Variants in ROBO1 observed in about 807,000 individuals in gnomAD.
ROBO1 encodes roundabout guidance receptor 1.
In ROBO1, 149 loss-of-function variants were observed where a neutral mutation model predicts 195.9. The observed-to-expected ratio is 0.76, with a 90% confidence interval of 0.67 to 0.87. ROBO1 has a LOEUF of 0.87. Among genes scored for constraint, ROBO1 ranks in the 40% least tolerant of loss-of-function variants. The probability of loss-of-function intolerance (pLI) is 0.00; values close to 1 mark genes in which losing one functional copy is unlikely to be tolerated. For missense variants in ROBO1, 1,933 were observed against 2,068.3 expected (o/e 0.93, Z 1.27); for synonymous variants, 816 against 733.2 (o/e 1.11, Z -1.82).
intron 3 of ROBO1, among the ~76,000 whole-genome samples, chr3:78,968,271 C>CTTTTTTT (rs35361494): frequency 8.4e-6 from 1 of 119,462 alleles, no homozygotes; most frequent in Non-Finnish European, 1.7e-5. Context: ...TGTATAGATT[C>CTTTTTTT]TTTTTTTTTT....
chr3:79,046,898 T>A (rs1223353336), intron 3 of ROBO1, among the ~76,000 whole-genome samples: 2 of 152,162 alleles, frequency 1.3e-5, no homozygotes, highest in Non-Finnish European at 2.9e-5. Flanking sequence ...TGAGATAATG[T>A]TTGTTATAAG....
chr3:79,262,468 A>G (rs2082957711), intron 2 of ROBO1, among the ~76,000 whole-genome samples: 1 of 152,080 alleles, frequency 6.6e-6, no homozygotes, highest in Non-Finnish European at 1.5e-5. Context: ...AAGAAAAGAA[A>G]CTTTTGTTGT....
At chr3:79,053,760 C>T (rs1378202286) in intron 3 of ROBO1, among the ~76,000 whole-genome samples, 1 of 152,038 alleles carries the variant, frequency 6.6e-6, no homozygotes, top group Non-Finnish European at 1.5e-5. Context: ...CACTTCTATG[C>T]CAACTCCATC....
In ROBO1 at chr3:78,688,606, T is replaced by A. The variant is rs377103340; in HGVS notation, c.1170+42A>T. 52 of 1,523,474 alleles carry A rather than the reference T, an allele frequency of 3.4e-5. No homozygotes were observed. The African/African-American group carries it at 5.8e-4, about 17-fold the overall frequency. The allele number at this position is 1,523,474 out of a possible 1,614,324, so 94.4% of individuals were successfully genotyped here. A position where few individuals can be genotyped will look rare whatever the true frequency, so the allele number is the denominator to read the frequency against. ...TTCTTCTCATACATCTTGGCAACCA[T>A]CTTTGCTGATTTAAAAAAAAAAAGT... On this transcript the variant is annotated intron_variant, in intron 9 of 30. Transcript: ENST00000464233.
intron 1 of ROBO1, among the ~76,000 whole-genome samples, chr3:79,717,381 A>G (rs1702532713): frequency 6.6e-6 from 1 of 151,994 alleles, no homozygotes; most frequent in African/African-American, 2.4e-5. Context: ...GAATGATAAA[A>G]TGCCAGACAA....
At chr3:78,966,937 A>C (rs1294103671) in intron 3 of ROBO1, among the ~76,000 whole-genome samples, 1 of 152,178 alleles carries the variant, frequency 6.6e-6, no homozygotes, top group East Asian at 1.9e-4. Context: ...TATCTATGTG[A>C]CATTATTCTG....
At chr3:78,957,634 C>T (rs989651979) in intron 3 of ROBO1, among the ~76,000 whole-genome samples, 13 of 152,076 alleles carry the variant, frequency 8.5e-5, no homozygotes, top group African/African-American at 3.1e-4. Context: ...GACCACAAAC[C>T]CTGAGGCGCA....
At chr3:79,515,972 C>G (rs752892945) in intron 2 of ROBO1, among the ~76,000 whole-genome samples, 3 of 151,964 alleles carry the variant, frequency 2.0e-5, no homozygotes, top group Non-Finnish European at 4.4e-5. Flanking sequence ...CATATATAGC[C>G]TGAAATAATT....
intron 2 of ROBO1, among the ~76,000 whole-genome samples, chr3:79,528,573 G>C (rs959589532): frequency 6.6e-6 from 1 of 152,078 alleles, no homozygotes; most frequent in African/African-American, 2.4e-5. Flanking sequence ...TCTTTAATGA[G>C]AATTTGAGAC....
At chr3:79,458,696 G>A (rs889114874) in intron 2 of ROBO1, among the ~76,000 whole-genome samples, 3 of 151,746 alleles carry the variant, frequency 2.0e-5, no homozygotes, top group African/African-American at 7.3e-5. Context: ...GAAACACTAT[G>A]ATTTTCCATA....
intron 4 of ROBO1, among the ~76,000 whole-genome samples, chr3:78,756,866 T>C (rs761818098): frequency 6.6e-6 from 1 of 152,070 alleles, no homozygotes; most frequent in Non-Finnish European, 1.5e-5. Flanking sequence ...ACAGCTCATA[T>C]AGAATCATAA....
At chr3:78,631,623 A>T (rs2107508252) in intron 24 of ROBO1, among the ~76,000 whole-genome samples, 1 of 152,306 alleles carries the variant, frequency 6.6e-6, no homozygotes, top group African/African-American at 2.4e-5. Flanking sequence ...CTGTAGATAT[A>T]TTTTCTCGAG....
chr3:78,675,987 G>C (rs1468674407), intron 10 of ROBO1, among the ~76,000 whole-genome samples: 1 of 152,052 alleles, frequency 6.6e-6, no homozygotes, highest in African/African-American at 2.4e-5. Context: ...ACTTCCAGAG[G>C]AACAATCAGA....
chr3:78,629,962 T>C (rs1705079899), intron 25 of ROBO1, among the ~76,000 whole-genome samples: 2 of 152,198 alleles, frequency 1.3e-5, no homozygotes, highest in Non-Finnish European at 2.9e-5. Flanking sequence ...CGAAATGTTT[T>C]AAGCTTTATA....
At chr3:79,717,577 C>T (rs1346731890) in intron 1 of ROBO1, among the ~76,000 whole-genome samples, 1 of 151,982 alleles carries the variant, frequency 6.6e-6, no homozygotes, top group African/African-American at 2.4e-5. Flanking sequence ...GAGAAAACAT[C>T]ATTTTCCCCA....
chr3:78,714,741 T>C (rs1046793018), intron 7 of ROBO1: 1 of 414,100 alleles, frequency 2.4e-6, no homozygotes, highest in Admixed American at 4.4e-5. Context: ...AAAGAACATT[T>C]TGGGGTAAAG....
At chr3:79,612,135 C>T (rs1368582313) in intron 1 of ROBO1, among the ~76,000 whole-genome samples, 4 of 150,184 alleles carry the variant, frequency 2.7e-5, no homozygotes, top group African/African-American at 4.9e-5. Context: ...CCCACTAACT[C>T]GTCATCTAGC....
intron 5 of ROBO1, among the ~76,000 whole-genome samples, chr3:78,741,349 C>CT (rs1437389849): frequency 3.9e-5 from 6 of 152,084 alleles, no homozygotes; most frequent in African/African-American, 2.4e-5. Flanking sequence ...AACAAACTTA[C>CT]TTTTTTGCTG....
intron 3 of ROBO1, among the ~76,000 whole-genome samples, chr3:78,959,232 A>C (rs2041213902): frequency 6.6e-6 from 1 of 152,242 alleles, no homozygotes; most frequent in South Asian, 2.1e-4. Flanking sequence ...TTTTAAAACA[A>C]AGAATGCATT....
Sources: allele counts gnomAD v4.1 joint callset (sites outside exome capture counted in the v4.1 genomes callset), GRCh38; gene constraint gnomAD v4.1.1; transcripts MANE v1.5; gene names NCBI Gene and HGNC (gene_info 2026-07-23, HGNC 2026-07-21).